Variants in AGAP1 observed in about 807,000 individuals in gnomAD.
AGAP1 encodes the protein ArfGAP with GTPase domain, ankyrin repeat and PH domain 1.
In AGAP1, 29 loss-of-function variants were observed where a neutral mutation model predicts 105.3. The ratio of observed to expected loss-of-function variants is 0.28; its 90% confidence interval spans 0.21 to 0.38. AGAP1 has a LOEUF of 0.38. AGAP1 is among the 10% of genes least tolerant of loss of function. The pLI is 1.00. For synonymous variants in AGAP1, 509 were observed against 485.9 expected (o/e 1.05, Z -0.63); for missense variants, 998 against 1,165.1 (o/e 0.86, Z 2.09).
chr2:235,510,758 C>T (rs989427139), intron 1 of AGAP1, among the ~76,000 whole-genome samples: 13 of 151,998 alleles, frequency 8.6e-5, no homozygotes, highest in Admixed American at 6.6e-5. Context: ...CTCTGTGTCT[C>T]TTGGGCTGTG....
At chr2:235,923,313 CTT>C (rs2052276273) in intron 11 of AGAP1, among the ~76,000 whole-genome samples, 1 of 152,186 alleles carries the variant, frequency 6.6e-6, no homozygotes, top group African/African-American at 2.4e-5. Context: ...TGTTCTGTCT[CTT>C]ACACTTCCTG....
At chr2:235,819,904 CTTTTTT>C (rs1179307250) in intron 9 of AGAP1, among the ~76,000 whole-genome samples, 3 of 130,272 alleles carry the variant, frequency 2.3e-5, no homozygotes, top group African/African-American at 8.5e-5. Flanking sequence ...TTCTTTCTTT[CTTTTTT>C]TTTTTTTTTT....
chr2:235,571,997 CACACACT>C (rs1219773213), intron 1 of AGAP1, among the ~76,000 whole-genome samples: 23 of 121,360 alleles, frequency 1.9e-4, no homozygotes, highest in African/African-American at 7.8e-4. Flanking sequence ...CACACACACA[CACACACT>C]TTTTTTTTTT....
chr2:236,115,970 G>A (rs2059761062), intron 16 of AGAP1, among the ~76,000 whole-genome samples: 1 of 151,836 alleles, frequency 6.6e-6, no homozygotes, highest in South Asian at 2.1e-4. Context: ...ATGCCAGGCT[G>A]ATTTTTGTAT....
intron 1 of AGAP1, among the ~76,000 whole-genome samples, chr2:235,672,234 C>T (rs1948474523): frequency 6.6e-6 from 1 of 152,076 alleles, no homozygotes; most frequent in Admixed American, 6.6e-5. Flanking sequence ...TATGTTAAAA[C>T]CAACTCATGC....
intron 12 of AGAP1, among the ~76,000 whole-genome samples, chr2:235,955,414 G>A (rs995603094): frequency 2.6e-5 from 4 of 152,106 alleles, no homozygotes; most frequent in Non-Finnish European, 5.9e-5. Context: ...CTTCGGCTCA[G>A]CAGCATGTAT....
In AGAP1 at chr2:236,126,513, T is replaced by C. The variant is rs930522479; in HGVS notation, c.*2391T>C. The C allele has an allele frequency of 1.3e-4, 20 of 152,226 alleles. No homozygotes were observed. Among genetic ancestry groups the C allele is most frequent in the African/African-American group, 4.8e-4 (20 of 41,460 alleles). 9.4% of individuals were successfully genotyped at this position (152,226 alleles called of 1,614,324 possible). ...TCTCTTTGGGATGTATATGAGCGTG[T>C]ACATATTATTCTATGTGTTTATAAT... On this transcript the variant is annotated 3_prime_UTR_variant, in exon 18 of 18. Coordinates refer to ENST00000304032, the MANE Select transcript of AGAP1 (RefSeq NM_001037131.3).
chr2:236,122,064 A>G (rs190308860), intron 17 of AGAP1, among the ~76,000 whole-genome samples: 105 of 147,484 alleles, frequency 7.1e-4, no homozygotes, highest in African/African-American at 2.6e-3. Context: ...CAATCCCCCC[A>G]CCCTAGCCTC....
In AGAP1 at chr2:235,919,255, A is replaced by C. The variant is rs866542764; in HGVS notation, c.1324+10349A>C. On this transcript the variant is annotated intron_variant, in intron 11 of 17. Transcript: ENST00000304032. The surrounding 1 kb of genome is among the most constrained non-coding windows in gnomAD (Gnocchi z 4.1). ...TTCTGGTTCTTCCAGGCTAGAGTTG[A>C]GTCCGTGGCTTCCCTGCTTCCTGCA... Among the ~76,000 whole-genome samples, 2 of 152,206 alleles carry C rather than the reference A, an allele frequency of 1.3e-5. No individual in the cohort carries two copies. The highest frequency in any genetic ancestry group is 4.8e-5 in the African/African-American group (2 of 41,458).
chr2:235,523,934 A>T (rs527984877), intron 1 of AGAP1, among the ~76,000 whole-genome samples: 5 of 150,052 alleles, frequency 3.3e-5, no homozygotes, highest in African/African-American at 4.9e-5. Flanking sequence ...TCCAGTAGGG[A>T]TGACCCTGCA....
chr2:235,955,031 A>C (rs1264850836), intron 12 of AGAP1, among the ~76,000 whole-genome samples: 1 of 152,156 alleles, frequency 6.6e-6, no homozygotes, highest in Non-Finnish European at 1.5e-5. Flanking sequence ...TAGTTGACCA[A>C]GATGGAGAAG....
chr2:235,796,528 A>G (rs549993698), intron 6 of AGAP1, among the ~76,000 whole-genome samples: 1 of 152,290 alleles, frequency 6.6e-6, no homozygotes, highest in Non-Finnish European at 1.5e-5. Context: ...GTGGGATGTA[A>G]CTAATGAAGC....
In AGAP1 at chr2:236,105,446, G is replaced by A. The variant is rs2059459138; in HGVS notation, c.2115-14746G>A. On this transcript the variant is annotated intron_variant, in intron 16 of 17. Transcript: ENST00000304032. This position sits in a 1 kb window ranked among gnomAD's most constrained non-coding sequence, Gnocchi z 4.2. ...GGAATGGGAAGTCCAAGGTCAAGGTGTTGGCTGATTCATTTCTGGTGAGGG... is the reference window on the plus strand; with the variant it reads ...GGAATGGGAAGTCCAAGGTCAAGGTATTGGCTGATTCATTTCTGGTGAGGG... Among the ~76,000 whole-genome samples, 1 of 151,880 alleles carries A rather than the reference G, an allele frequency of 6.6e-6. No homozygotes were observed. Among genetic ancestry groups the A allele is most frequent in the Non-Finnish European group, 1.5e-5 (1 of 68,008 alleles).
At chr2:235,706,440 G>A (rs1172779127) in intron 1 of AGAP1, among the ~76,000 whole-genome samples, 1 of 152,150 alleles carries the variant, frequency 6.6e-6, no homozygotes, top group Non-Finnish European at 1.5e-5. Context: ...ATGTTAGCCA[G>A]GATGATCTTG....
In AGAP1 at chr2:236,006,653, T is replaced by C. The variant is rs1310399753; in HGVS notation, c.1646-29908T>C. On this transcript the variant is annotated intron_variant, in intron 13 of 17. Transcript: ENST00000304032. ...GACAGGTTGGAAAACTGTGGAAACA[T>C]AATACTTTACATTAAAAAGTAGTAT... is the stretch of plus-strand genomic sequence containing the variant. Among the ~76,000 whole-genome samples, 8 of 152,194 alleles carry C rather than the reference T, an allele frequency of 5.3e-5. 2 individuals carry two copies. The highest frequency in any genetic ancestry group is 1.2e-4 in the Non-Finnish European group (8 of 68,040).
rs1489023537 is a variant in AGAP1 at position 235,729,808 on chromosome 2, C to T, written c.311-11155C>T. Among the ~76,000 whole-genome samples the T allele has an allele frequency of 6.6e-6, 1 of 152,166 alleles. No individual in the cohort carries two copies. Among genetic ancestry groups the T allele is most frequent in the Non-Finnish European group, 1.5e-5 (1 of 68,042 alleles). ...ACCAAAGATGAGACTACAGCAGCGACTTGTCACCTCTTCCGTGTTGCTACT... is the reference window on the plus strand; with the variant it reads ...ACCAAAGATGAGACTACAGCAGCGATTTGTCACCTCTTCCGTGTTGCTACT... On this transcript the variant is annotated intron_variant, in intron 3 of 17. Coordinates refer to ENST00000304032, the MANE Select transcript of AGAP1 (RefSeq NM_001037131.3). The surrounding 1 kb of genome is among the most constrained non-coding windows in gnomAD (Gnocchi z 5.0).
intron 6 of AGAP1, among the ~76,000 whole-genome samples, chr2:235,795,216 G>A (rs532657978): frequency 7.2e-5 from 11 of 152,220 alleles, no homozygotes; most frequent in South Asian, 6.2e-4. Context: ...GAAGGACTGC[G>A]GATGTCTTGG....
At chr2:235,821,848 T>C (rs933759604) in intron 9 of AGAP1, among the ~76,000 whole-genome samples, 4 of 152,256 alleles carry the variant, frequency 2.6e-5, no homozygotes, top group Non-Finnish European at 4.4e-5. Context: ...TCAAGTCTTA[T>C]GTCCATGACC....
Position 235,983,127 on chromosome 2 carries a change from G to C in AGAP1, c.1645+14504G>C, listed in dbSNP as rs1035925475. On this transcript the variant is annotated intron_variant, in intron 13 of 17. Coordinates refer to ENST00000304032, the MANE Select transcript of AGAP1 (RefSeq NM_001037131.3). The surrounding 1 kb of genome is among the most constrained non-coding windows in gnomAD (Gnocchi z 4.5). ...GCTGAGCAGGAAGCTGGCCTCAGGG[G>C]TCTCCCAGGATGCTGGGGCTGGTGG... is the stretch of plus-strand genomic sequence containing the variant. Among the ~76,000 whole-genome samples the C allele has an allele frequency of 6.6e-6, 1 of 152,198 alleles. No individual in the cohort carries two copies. Among genetic ancestry groups the C allele is most frequent in the African/African-American group, 2.4e-5 (1 of 41,450 alleles).
Sources: allele counts gnomAD v4.1 joint callset (sites outside exome capture counted in the v4.1 genomes callset), GRCh38; gene constraint gnomAD v4.1.1; non-coding constraint Gnocchi (gnomAD v3.1); transcripts MANE v1.5; gene names NCBI Gene and HGNC (gene_info 2026-07-23, HGNC 2026-07-21).